The following IGBP1 variants were observed in gnomAD, a reference collection of about 807,000 sequenced individuals.
IGBP1 encodes the protein immunoglobulin binding protein 1, also known as immunoglobulin-binding protein 1.
Under a neutral mutation model 25.9 loss-of-function variants are expected in IGBP1, and 2 were observed. The ratio of observed to expected loss-of-function variants is 0.08; its 90% CI spans 0.03 to 0.24. IGBP1 has a LOEUF of 0.24. Ranked by LOEUF, IGBP1 falls within the 10% of genes least tolerant of loss-of-function variation. The pLI is 1.00. For synonymous variants in IGBP1, 96 were observed against 93.4 expected (o/e 1.03, Z -0.16); for missense variants, 187 against 260.4 (o/e 0.72, Z 1.94).
rs1241720805 is a variant in IGBP1, at chrX:70,134,778, C to T, written c.444C>T (p.Leu148=). The change falls in exon 3 of 7, where the codon CTC becomes CTT. Residue 148 remains leucine (L), a synonymous_variant. Transcript: ENST00000356413. ...ATTCCTCCATGGCTTATCCTAGTCTCGTTGCTATGGCATCTCAAAGACAGG... is the reference window on the plus strand; with the variant it reads ...ATTCCTCCATGGCTTATCCTAGTCTTGTTGCTATGGCATCTCAAAGACAGG... The part of the protein sequence containing the change: ...TANSSMAYPS[L]VAMASQRQAK... The T allele has an allele frequency of 1.7e-6, 2 of 1,210,192 alleles. No individual in the cohort carries two copies. The highest frequency in any genetic ancestry group is 3.5e-5 in the African/African-American group (2 of 57,432).
intron 3 of IGBP1, among the ~76,000 whole-genome samples, chrX:70,138,650 A>G (rs2085111959): frequency 9.0e-6 from 1 of 111,544 alleles, no homozygotes; most frequent in Non-Finnish European, 1.9e-5. Flanking sequence ...TTACATAGTT[A>G]TTTAAGCTAA....
chrX:70,144,752 C>T (rs1204663109), intron 3 of IGBP1, among the ~76,000 whole-genome samples: 4 of 97,407 alleles, frequency 4.1e-5, no homozygotes, highest in South Asian at 1.1e-3. Flanking sequence ...CTCTCACTCC[C>T]TGGTTCAAGC....
Position 70,166,196 on chromosome X carries a change from C to G in IGBP1, c.*215C>G. 2.5e-6 allele frequency: 1 copy of G among 406,091 alleles called. No homozygotes were observed. The highest frequency in any genetic ancestry group is 4.4e-6 in the Non-Finnish European group (1 of 229,187). The allele number at this position is 406,091 out of a possible 1,213,427, so 33.5% of individuals were successfully genotyped here. A position where few individuals can be genotyped will look rare whatever the true frequency, so the allele number is the denominator to read the frequency against. On this transcript the variant is annotated 3_prime_UTR_variant, in exon 7 of 7. Coordinates refer to ENST00000356413, the MANE Select transcript of IGBP1 (RefSeq NM_001551.3). ...AGTCTTGTTTTGGCATCATCCTCATCATGTTGTATTCCAGCTTCTTAAGTG... is the reference window on the plus strand; with the variant it reads ...AGTCTTGTTTTGGCATCATCCTCATGATGTTGTATTCCAGCTTCTTAAGTG...
intron 3 of IGBP1, among the ~76,000 whole-genome samples, chrX:70,142,916 G>GT (rs772662468): frequency 0.016 from 766 of 48,921 alleles, 15 homozygotes; most frequent in Non-Finnish European, 0.02. Flanking sequence ...TTATCGAGTT[G>GT]TTTTTTTTTT....
At chrX:70,158,913 A>G (rs2085256344) in intron 6 of IGBP1, among the ~76,000 whole-genome samples, 3 of 112,408 alleles carry the variant, frequency 2.7e-5, no homozygotes, top group African/African-American at 9.7e-5. Flanking sequence ...GGATTGTGAA[A>G]TACAGCACAA....
chrX:70,140,984 A>G (rs138649262), intron 3 of IGBP1, among the ~76,000 whole-genome samples: 1,748 of 111,185 alleles, frequency 0.016, 33 homozygotes, highest in African/African-American at 0.055. Context: ...GTAGACAGAA[A>G]AAAAGTCAAG....
At chrX:70,153,444 C>T (rs745583141) in intron 6 of IGBP1, among the ~76,000 whole-genome samples, 3 of 111,740 alleles carry the variant, frequency 2.7e-5, no homozygotes, top group East Asian at 2.8e-4. Flanking sequence ...AAAAACTATA[C>T]GTAGCTTCTC....
chrX:70,160,317 C>T (rs994456925), intron 6 of IGBP1, among the ~76,000 whole-genome samples: 5 of 111,081 alleles, frequency 4.5e-5, no homozygotes, highest in African/African-American at 1.6e-4. Context: ...ATAAAATTTC[C>T]GAACTTTAAA....
chrX:70,145,920 A>G (rs983523621), intron 3 of IGBP1, among the ~76,000 whole-genome samples: 1 of 111,890 alleles, frequency 8.9e-6, no homozygotes, highest in Non-Finnish European at 1.9e-5. Context: ...AGCACTTATC[A>G]CGACCTAACT....
intron 3 of IGBP1, 56 bp from the exon 4 acceptor site, chrX:70,146,577 T>C: frequency 9.7e-7 from 1 of 1,035,023 alleles, no homozygotes; most frequent in South Asian, 1.9e-5. Flanking sequence ...AGGCCTTCTT[T>C]TGAAGGAATA....
intron 4 of IGBP1, chrX:70,148,502 C>T (rs2085181391): frequency 5.8e-6 from 2 of 346,491 alleles, no homozygotes; most frequent in South Asian, 3.8e-5. Context: ...ATTTTAAAGC[C>T]GAGTAATTTT....
At chrX:70,145,236 G>A (rs1481086696) in intron 3 of IGBP1, among the ~76,000 whole-genome samples, 1 of 110,169 alleles carries the variant, frequency 9.1e-6, no homozygotes, top group Non-Finnish European at 1.9e-5. Flanking sequence ...TTCAAGATAC[G>A]TCTCTTGGAA....
chrX:70,144,626 C>CCAGA (rs1221634112), intron 3 of IGBP1, among the ~76,000 whole-genome samples: 1 of 100,628 alleles, frequency 9.9e-6, no homozygotes, highest in African/African-American at 3.7e-5. Flanking sequence ...TTTATAATAG[C>CCAGA]CTTTTCAGAA....
intron 3 of IGBP1, among the ~76,000 whole-genome samples, chrX:70,138,139 A>T (rs1385512718): frequency 9.1e-6 from 1 of 110,333 alleles, no homozygotes; most frequent in Non-Finnish European, 1.9e-5. Context: ...GTGTCTCAAA[A>T]AAAAAGAACA....
chrX:70,161,567 A>G (rs760181801), intron 6 of IGBP1, among the ~76,000 whole-genome samples: 10 of 111,938 alleles, frequency 8.9e-5, no homozygotes, highest in Non-Finnish European at 1.3e-4. Flanking sequence ...TGTTAAGTTG[A>G]TAATGCATTT....
At chrX:70,147,448 A>G (rs1328895307) in intron 4 of IGBP1, among the ~76,000 whole-genome samples, 1 of 111,043 alleles carries the variant, frequency 9.0e-6, no homozygotes, top group East Asian at 2.8e-4. Context: ...GCTGACTATA[A>G]TGAAGGGGAA....
intron 3 of IGBP1, among the ~76,000 whole-genome samples, chrX:70,143,289 C>T (rs1481020456): frequency 8.9e-6 from 1 of 112,035 alleles, no homozygotes; most frequent in African/African-American, 3.2e-5. Flanking sequence ...CTGCCTCGGC[C>T]TCCCAAAGTG....
chrX:70,147,368 A>T (rs1422726056), intron 4 of IGBP1, among the ~76,000 whole-genome samples: 3 of 110,409 alleles, frequency 2.7e-5, no homozygotes, highest in Non-Finnish European at 3.8e-5. Flanking sequence ...GGTTGCAGTG[A>T]GCTGAGATCA....
chrX:70,164,874 CAT>C (rs1431377739), intron 6 of IGBP1: 1 of 111,910 alleles, frequency 8.9e-6, no homozygotes, highest in Non-Finnish European at 1.9e-5. Flanking sequence ...GCCTGGGCAA[CAT>C]AGGGGAAGAC....
Sources: allele counts gnomAD v4.1 joint callset (sites outside exome capture counted in the v4.1 genomes callset), GRCh38; gene constraint gnomAD v4.1.1; transcripts MANE v1.5; gene names NCBI Gene and HGNC (gene_info 2026-07-23, HGNC 2026-07-21).